PARPBP: variants seen among roughly 807,000 people sequenced by gnomAD.
PARPBP encodes PCNA-interacting partner.
Under a neutral mutation model 50.0 loss-of-function variants are expected in PARPBP, and 52 were observed. That is an observed-to-expected ratio of 1.04 (90% CI 0.83 to 1.31). The LOEUF (loss-of-function observed/expected upper bound fraction) is 1.31, where lower values mean the gene tolerates loss of function less well. Ranked by LOEUF, PARPBP falls within the 50% of genes most tolerant of loss-of-function variation. The pLI, the probability that PARPBP is intolerant of heterozygous loss-of-function variation, is 0.00. For synonymous variants in PARPBP, 244 were observed against 232.1 expected, an observed-to-expected ratio of 1.05 and a Z score of -0.47; for missense variants, 697 against 672.0, an observed-to-expected ratio of 1.04 and a Z score of -0.41.
chr12:102,123,800 C>T, intron 1 of PARPBP, 86 bp from the exon 2 acceptor site: 1 of 789,522 alleles, frequency 1.3e-6, no homozygotes. Context: ...ATATGTTTTT[C>T]TCTATCTGTG....
In PARPBP at chr12:102,197,354, A is replaced by T; in HGVS notation, c.*1063A>T. On this transcript the variant is annotated 3_prime_UTR_variant, in exon 11 of 11. Coordinates refer to ENST00000327680, the MANE Select transcript of PARPBP (RefSeq NM_017915.5). ...TTTCAGATAAGAGGTGTTTGCTGGG[A>T]TGGAAGAACTACCTGGCATGTAAGA... 1.3e-6 allele frequency: 1 copy of T among 798,076 alleles called. No individual in the cohort carries two copies. The highest frequency in any genetic ancestry group is 2.0e-6 in the Non-Finnish European group (1 of 511,288). 49.4% of individuals were successfully genotyped at this position (798,076 alleles called of 1,614,324 possible). A position where few individuals can be genotyped will look rare whatever the true frequency, so the allele number is the denominator to read the frequency against.
At chr12:102,128,730 A>T (rs1445566435) in intron 2 of PARPBP, among the ~76,000 whole-genome samples, 1 of 152,178 alleles carries the variant, frequency 6.6e-6, no homozygotes, top group Non-Finnish European at 1.5e-5. Flanking sequence ...TCATCCATTG[A>T]TGGATACTTA....
chr12:102,172,835 C>T (rs558301147), intron 6 of PARPBP, among the ~76,000 whole-genome samples: 1 of 152,246 alleles, frequency 6.6e-6, no homozygotes, highest in Non-Finnish European at 1.5e-5. Flanking sequence ...AAACTCTTTT[C>T]TATTAGAGAT....
intron 6 of PARPBP, among the ~76,000 whole-genome samples, chr12:102,171,095 CCTT>C (rs1888670443): frequency 6.6e-6 from 1 of 151,350 alleles, no homozygotes; most frequent in African/African-American, 2.4e-5. Flanking sequence ...AGTCACAACA[CCTT>C]CTTCAGGAAT....
intron 2 of PARPBP, among the ~76,000 whole-genome samples, chr12:102,128,889 T>G (rs1421424770): frequency 3.3e-5 from 5 of 152,170 alleles, no homozygotes; most frequent in Non-Finnish European, 7.4e-5. Flanking sequence ...TTGAGAAACT[T>G]TCATACTGTA....
At chr12:102,146,344 G>C (rs78508617) in intron 2 of PARPBP, among the ~76,000 whole-genome samples, 1 of 152,056 alleles carries the variant, frequency 6.6e-6, no homozygotes, top group African/African-American at 2.4e-5. Context: ...AACCAAAACA[G>C]CATGGTACTG....
rs1349487212 is a variant in PARPBP at position 102,195,389 on chromosome 12, T to C, written c.1341T>C (p.Asn447=). 1 of 1,591,056 alleles carries C rather than the reference T, an allele frequency of 6.3e-7. No homozygotes were observed. The highest frequency in any genetic ancestry group is 1.4e-5 in the African/African-American group (1 of 73,872). Residue 447 remains asparagine, a synonymous_variant, in exon 10 of 11, where the codon AAT becomes AAC. Coordinates refer to ENST00000327680, the MANE Select transcript of PARPBP (RefSeq NM_017915.5). ...ACATGATAAGCAAGGATAATTGGAA[T>C]AATGTTAATTTAGCATCAAAGCCTT... ...DDYMISKDNW[N]NVNLASKPLC...
intron 9 of PARPBP, among the ~76,000 whole-genome samples, chr12:102,184,308 G>A (rs973459759): frequency 5.9e-5 from 9 of 152,026 alleles, no homozygotes; most frequent in Non-Finnish European, 1.2e-4. Flanking sequence ...ATTCTCTCAA[G>A]CATTTTATCC....
At chr12:102,185,827 T>C (rs984405744) in intron 9 of PARPBP, among the ~76,000 whole-genome samples, 7 of 152,034 alleles carry the variant, frequency 4.6e-5, no homozygotes, top group Admixed American at 4.6e-4. Context: ...CTAGTTTTTG[T>C]ATTTTTAGAA....
rs548422032 is a variant in PARPBP, at chr12:102,148,356, AT to A, written c.283del (p.Tyr95MetfsTer5). The A allele has an allele frequency of 1.1e-5, 18 of 1,587,114 alleles. No individual in the cohort carries two copies. The highest frequency in any genetic ancestry group is 3.3e-4 in the Middle Eastern group (2 of 5,992). On this transcript the variant is annotated frameshift_variant, in exon 3 of 11. Coordinates refer to ENST00000327680, the MANE Select transcript of PARPBP (RefSeq NM_017915.5). LOFTEE classifies it high-confidence loss of function. Reference sequence around the variant, plus strand: ...TGACCATTATGAGGACGTTAGGAAGATTTATGATGATTTCTTGAAGAACAGT... The same window carrying A: ...TGACCATTATGAGGACGTTAGGAAGATTATGATGATTTCTTGAAGAACAGT... ...VTDHYEDVRKIYDDFLKNSNM... is the reference protein window; with the variant it reads ...VTDHYEDVRKXYDDFLKNSNM...
Position 102,148,370 on chromosome 12 carries a change from C to T in PARPBP, c.294C>T (p.Phe98=). The T allele has an allele frequency of 6.3e-7, 1 of 1,587,466 alleles. No individual in the cohort carries two copies. Among genetic ancestry groups the T allele is most frequent in the Non-Finnish European group, 8.6e-7 (1 of 1,156,236 alleles). The stretch of plus-strand genomic sequence containing the variant: ...ACGTTAGGAAGATTTATGATGATTT[C>T]TTGAAGAACAGTAATATGTTAGATC... ...YEDVRKIYDD[F]LKNSNMLDLI... Residue 98 remains phenylalanine (F), a synonymous_variant, in exon 3 of 11, where the codon TTC becomes TTT. Transcript: ENST00000327680.
chr12:102,174,450 C>T (rs1019397088), intron 6 of PARPBP, among the ~76,000 whole-genome samples: 2 of 152,220 alleles, frequency 1.3e-5, no homozygotes, highest in African/African-American at 4.8e-5. Context: ...AAACATACAA[C>T]CTGGCAATAA....
intron 2 of PARPBP, among the ~76,000 whole-genome samples, chr12:102,128,016 A>G (rs1882275663): frequency 6.6e-6 from 1 of 152,188 alleles, no homozygotes; most frequent in Admixed American, 6.5e-5. Context: ...CATTCTTAAC[A>G]TTTTTGTGGT....
intron 8 of PARPBP, 140 bp downstream of exon 8, chr12:102,178,910 C>A: frequency 1.9e-6 from 1 of 522,790 alleles, no homozygotes. Context: ...GGAGATTGAA[C>A]ATTTGAATTC....
chr12:102,163,936 C>T (rs1408384442), intron 4 of PARPBP, among the ~76,000 whole-genome samples: 1 of 152,100 alleles, frequency 6.6e-6, no homozygotes, highest in Non-Finnish European at 1.5e-5. Context: ...TACTTGGTGA[C>T]AATTTCTGTT....
chr12:102,153,065 A>G (rs1272516228), intron 3 of PARPBP, among the ~76,000 whole-genome samples: 1 of 152,168 alleles, frequency 6.6e-6, no homozygotes, highest in Non-Finnish European at 1.5e-5. Flanking sequence ...ACAAAAGCAG[A>G]TAGCACCGTT....
At position 102,130,907 on chromosome 12, in the gene PARPBP, CTT is replaced by C. The variant is rs1310188324; in HGVS notation, c.153+6869_153+6870del. Reference sequence around the variant, plus strand: ...AGTGGGTAAAGGACATGAACAGACACTTTTCAAAAGAAGACATACATGTGGCC... The same window carrying C: ...AGTGGGTAAAGGACATGAACAGACACTTCAAAAGAAGACATACATGTGGCC... On this transcript the variant is annotated intron_variant, in intron 2 of 10. Coordinates refer to ENST00000327680, the MANE Select transcript of PARPBP (RefSeq NM_017915.5). 4.6e-5 allele frequency among the ~76,000 whole-genome samples: 7 copies of C among 151,650 alleles called. No individual in the cohort carries two copies. The East Asian group carries it at 1.4e-3, about 29-fold the overall frequency.
At chr12:102,175,915 C>G (rs73384879) in intron 7 of PARPBP, among the ~76,000 whole-genome samples, 1 of 151,608 alleles carries the variant, frequency 6.6e-6, no homozygotes, top group Non-Finnish European at 1.5e-5. Context: ...TCTGGTATCC[C>G]TTTTAGTACT....
At chr12:102,144,455 GT>G (rs1329699218) in intron 2 of PARPBP, among the ~76,000 whole-genome samples, 4 of 152,194 alleles carry the variant, frequency 2.6e-5, no homozygotes, top group Non-Finnish European at 5.9e-5. Flanking sequence ...GTTGTTACTG[GT>G]TTGAATAATA....
Sources: gnomAD v4.1 joint callset for allele counts (sites outside exome capture counted in the v4.1 genomes callset) on GRCh38, gnomAD v4.1.1 for gene constraint, MANE v1.5 for transcripts, NCBI Gene and HGNC (gene_info 2026-07-23, HGNC 2026-07-21) for gene names.